Variants in C8orf33 observed in about 807,000 individuals in gnomAD.
C8orf33 encodes the protein UPF0488 protein C8orf33.
A neutral mutation model predicts 25.7 loss-of-function variants in C8orf33; 28 were observed. That is an observed-to-expected ratio of 1.09 (90% CI 0.81 to 1.49). C8orf33 has a LOEUF of 1.49. C8orf33 is among the 40% of genes most tolerant of loss of function. C8orf33 has a pLI of 0.00. For missense variants in C8orf33, 369 were observed against 294.4 expected (o/e 1.25, Z -1.85); for synonymous variants, 153 against 115.9 (o/e 1.32, Z -2.06).
In C8orf33 at chr8:145,052,792, A is replaced by G. The variant is rs1179492732; in HGVS notation, c.213A>G (p.Gln71=). The G allele has an allele frequency of 5.6e-6, 9 of 1,614,004 alleles. No individual in the cohort carries two copies. Among genetic ancestry groups the G allele is most frequent in the Non-Finnish European group, 7.6e-6 (9 of 1,180,020 alleles). Residue 71 remains glutamine (Q), a synonymous_variant, in exon 2 of 5, where the codon CAA becomes CAG. Coordinates refer to ENST00000331434, the MANE Select transcript of C8orf33 (RefSeq NM_023080.3). ...AAGGCGGCACAGCGTCGAAAAAACA[A>G]AAGAATAAGAAGAAAACGCGGAACA... ...GDEGGTASKK[Q]KNKKKTRNRA... is the part of the protein sequence containing the mutation.
rs1254921750 is a variant in C8orf33 at position 145,052,772 on chromosome 8, G to C, written c.193G>C (p.Gly65Arg). ...AGCGCACCCGTTGGGCGATGAAGGC[G>C]GCACAGCGTCGAAAAAACAAAAGAA... ...SRAHPLGDEG[G>R]TASKKQKNKK... is the part of the protein sequence containing the mutation. The change falls in exon 2 of 5, where the codon GGC becomes CGC. Residue 65 changes from glycine (G) to arginine (R), a missense_variant. Physicochemically the swap from Gly to Arg is moderately radical, Grantham distance 125. Transcript: ENST00000331434. 7 of 1,614,168 alleles carry C rather than the reference G, an allele frequency of 4.3e-6. No homozygotes were observed. The South Asian group carries it at 7.7e-5, about 18-fold the overall frequency.
Position 145,053,070 on chromosome 8 carries a change from G to A in C8orf33, c.327G>A (p.Gln109=), listed in dbSNP as rs770525068. 5.0e-6 allele frequency: 8 copies of A among 1,614,070 alleles called. No individual in the cohort carries two copies. Among genetic ancestry groups the A allele is most frequent in the South Asian group, 2.2e-5 (2 of 91,090 alleles). The part of the protein sequence containing the change: ...VPLSAEAQAQ[Q]LAQELAWCVE... ...CCCCAAATCCATCACAGGCACAACA[G>A]TTGGCCCAGGAATTGGCTTGGTGTG... Residue 109 remains glutamine, a synonymous_variant, in exon 3 of 5, where the codon CAG becomes CAA. Coordinates refer to ENST00000331434, the MANE Select transcript of C8orf33 (RefSeq NM_023080.3).
intron 1 of C8orf33, 30 bp from the exon 2 acceptor site, chr8:145,052,556 G>A (rs1159623101): frequency 1.2e-6 from 2 of 1,601,158 alleles, no homozygotes; most frequent in South Asian, 2.2e-5. Flanking sequence ...GCGGCTCTCG[G>A]TGACCCTCGT....
At position 145,053,431 on chromosome 8, in the gene C8orf33, G is replaced by A. The variant is rs769741857; in HGVS notation, c.538G>A (p.Ala180Thr). 5 of 1,614,034 alleles carry A rather than the reference G, an allele frequency of 3.1e-6. No homozygotes were observed. In the Admixed American group the frequency reaches 8.3e-5, roughly 27 times the overall value. Residue 180 changes from alanine to threonine, a missense_variant, in exon 4 of 5, where the codon GCT becomes ACT. Transcript: ENST00000331434. ...AGCCGAATGGCGTGAGGCCCTGCGGGCTCTCAGAGCTGGTGAGGAGCTAGC... is the reference window on the plus strand; with the variant it reads ...AGCCGAATGGCGTGAGGCCCTGCGGACTCTCAGAGCTGGTGAGGAGCTAGC... The part of the protein sequence containing the change: ...MEAEWREALR[A>T]LRAAAYSAQV...
At chr8:145,052,929 A>G (rs1835299597) in intron 2 of C8orf33, 32 bp downstream of exon 2, 1 of 1,529,500 alleles carries the variant, frequency 6.5e-7, no homozygotes. Flanking sequence ...GAAGGGTGGA[A>G]TCCACGGGTG....
Position 145,054,781 on chromosome 8 carries a change from C to T in C8orf33, c.*624C>T, listed in dbSNP as rs953671831. 6.6e-6 allele frequency: 1 copy of T among 152,336 alleles called. No individual in the cohort carries two copies. Among genetic ancestry groups the T allele is most frequent in the African/African-American group, 2.4e-5 (1 of 41,422 alleles). 9.4% of individuals were successfully genotyped at this position (152,336 alleles called of 1,614,324 possible). A position where few individuals can be genotyped will look rare whatever the true frequency, so the allele number is the denominator to read the frequency against. ...CCAGCATGGCACCTACCAGGCCAGG[C>T]TCTGTTCTTAGGAGCAAGGAGCTTC... On this transcript the variant is annotated 3_prime_UTR_variant, in exon 5 of 5. Coordinates refer to ENST00000331434, the MANE Select transcript of C8orf33 (RefSeq NM_023080.3).
At chr8:145,053,968 G>C in intron 4 of C8orf33, 50 bp from the exon 5 acceptor site, 2 of 1,595,504 alleles carry the variant, frequency 1.3e-6, no homozygotes, top group Non-Finnish European at 1.7e-6. Context: ...TACAGGTAAT[G>C]TTAATTGTTA....
chr8:145,052,916 C>A lies in C8orf33; in HGVS notation c.318+19C>A. On this transcript the variant is annotated intron_variant, in intron 2 of 4. Transcript: ENST00000331434. ...GGCCCAGGCAAGGGCGGGCTTCGGT[C>A]GGGAAGGGTGGAATCCACGGGTGCG... 3.1e-6 allele frequency: 5 copies of A among 1,605,992 alleles called. No homozygotes were observed. In the South Asian group the frequency reaches 4.4e-5, roughly 14 times the overall value.
rs781657841 is a variant in C8orf33, at chr8:145,052,695, C to CCACT, written c.117_120dup (p.Val41HisfsTer13). The CCACT allele has an allele frequency of 1.9e-6, 3 of 1,614,102 alleles. No individual in the cohort carries two copies. In the South Asian group the frequency reaches 3.3e-5, roughly 18 times the overall value. ...CCAGTTTCCAGCGCCCGGAATCCTT[C>CCACT]CACTGTCTGTCTCTGCCCAGAGCAA... On this transcript the variant is annotated frameshift_variant, in exon 2 of 5. Transcript: ENST00000331434. LOFTEE classifies it high-confidence loss of function.
chr8:145,052,945 C>T lies in C8orf33; in HGVS notation c.318+48C>T, dbSNP rs1428091618. Reference sequence around the variant, plus strand: ...AAGGGTGGAATCCACGGGTGCGAATCCACGGGCACGTGTGATCTGGGGTCC... The same window carrying T: ...AAGGGTGGAATCCACGGGTGCGAATTCACGGGCACGTGTGATCTGGGGTCC... On this transcript the variant is annotated intron_variant, in intron 2 of 4. Coordinates refer to ENST00000331434, the MANE Select transcript of C8orf33 (RefSeq NM_023080.3). The T allele has an allele frequency of 3.8e-6, 6 of 1,577,476 alleles. No homozygotes were observed. In the East Asian group the frequency reaches 1.4e-4, roughly 36 times the overall value.
At position 145,054,224 on chromosome 8, in the gene C8orf33, G is replaced by A. The variant is rs776386116; in HGVS notation, c.*67G>A. 9.0e-6 allele frequency: 14 copies of A among 1,550,612 alleles called. No homozygotes were observed. The highest frequency in any genetic ancestry group is 1.2e-5 in the Non-Finnish European group (14 of 1,141,950). On this transcript the variant is annotated 3_prime_UTR_variant, in exon 5 of 5. Coordinates refer to ENST00000331434, the MANE Select transcript of C8orf33 (RefSeq NM_023080.3). Reference sequence around the variant, plus strand: ...TGTAGGGGTTTGTTTTGAGTGCAGAGCCTTTCCAGGACTTCTGTTGTCAGA... The same window carrying A: ...TGTAGGGGTTTGTTTTGAGTGCAGAACCTTTCCAGGACTTCTGTTGTCAGA...
chr8:145,053,548 G>A (rs1251851096), intron 4 of C8orf33, 105 bp downstream of exon 4: 1 of 1,203,216 alleles, frequency 8.3e-7, no homozygotes, highest in African/African-American at 1.5e-5. Flanking sequence ...GTGGGGGAAG[G>A]AGATGGGCTC....
chr8:145,053,153 G>T lies in C8orf33; in HGVS notation c.403+7G>T. The T allele has an allele frequency of 1.9e-6, 3 of 1,614,094 alleles. No homozygotes were observed. The highest frequency in any genetic ancestry group is 2.5e-6 in the Non-Finnish European group (3 of 1,179,936). On this transcript the variant is annotated splice_region_variant and intron_variant, in intron 3 of 4. Coordinates refer to ENST00000331434, the MANE Select transcript of C8orf33 (RefSeq NM_023080.3). ...AAACCCACCCCGAAACAGAGTAAGG[G>T]ACCCTTCTGTAGAGCTGGGGGATGT...
rs199714906 is a variant in C8orf33, at chr8:145,052,574, C to T, written c.7-12C>T. On this transcript the variant is annotated splice_polypyrimidine_tract_variant and intron_variant, in intron 1 of 4. Transcript: ENST00000331434. ...GCTCTCGGTGACCCTCGTGCTACCC[C>T]CCTTTCTCCAGGCCCTGGGACATCT... 3.0e-5 allele frequency: 48 copies of T among 1,602,914 alleles called. No homozygotes were observed. The highest frequency in any genetic ancestry group is 3.8e-5 in the Non-Finnish European group (45 of 1,179,468).
In C8orf33 at chr8:145,054,904, T is replaced by C. The variant is rs554580324; in HGVS notation, c.*747T>C. The C allele has an allele frequency of 1.3e-5, 2 of 152,284 alleles. No homozygotes were observed. Among genetic ancestry groups the C allele is most frequent in the African/African-American group, 4.8e-5 (2 of 41,534 alleles). The allele number at this position is 152,284 out of a possible 1,614,324, so 9.4% of individuals were successfully genotyped here. A position where few individuals can be genotyped will look rare whatever the true frequency, so the allele number is the denominator to read the frequency against. On this transcript the variant is annotated 3_prime_UTR_variant, in exon 5 of 5. Coordinates refer to ENST00000331434, the MANE Select transcript of C8orf33 (RefSeq NM_023080.3). ...GTCTCAGGCCCTCTGTTCCATGGAA[T>C]TGGGAATCTCCAGGTGACCTAATCC...
rs763550886 is a variant in C8orf33 at position 145,052,782 on chromosome 8, C to T, written c.203C>T (p.Ser68Leu). The change falls in exon 2 of 5, where the codon TCG becomes TTG. Residue 68 changes from serine (S) to leucine (L), a missense_variant. Coordinates refer to ENST00000331434, the MANE Select transcript of C8orf33 (RefSeq NM_023080.3). The part of the protein sequence containing the change: ...HPLGDEGGTA[S>L]KKQKNKKKTR... Reference sequence around the variant, plus strand: ...TTGGGCGATGAAGGCGGCACAGCGTCGAAAAAACAAAAGAATAAGAAGAAA... The same window carrying T: ...TTGGGCGATGAAGGCGGCACAGCGTTGAAAAAACAAAAGAATAAGAAGAAA... 4 of 1,614,008 alleles carry T rather than the reference C, an allele frequency of 2.5e-6. No individual in the cohort carries two copies. Among genetic ancestry groups the T allele is most frequent in the Non-Finnish European group, 2.5e-6 (3 of 1,180,002 alleles).
chr8:145,053,837 C>T (rs1835316411), intron 4 of C8orf33, 181 bp from the exon 5 acceptor site: 2 of 775,556 alleles, frequency 2.6e-6, no homozygotes, highest in Admixed American at 2.6e-5. Context: ...GTACTAACAC[C>T]TTTTGCAAAC....
chr8:145,052,774 C>T lies in C8orf33; in HGVS notation c.195C>T (p.Gly65=). The T allele has an allele frequency of 1.2e-6, 2 of 1,614,160 alleles. No homozygotes were observed. Among genetic ancestry groups the T allele is most frequent in the African/African-American group, 1.3e-5 (1 of 75,032 alleles). Residue 65 remains glycine, a synonymous_variant, in exon 2 of 5, where the codon GGC becomes GGT. Coordinates refer to ENST00000331434, the MANE Select transcript of C8orf33 (RefSeq NM_023080.3). ...CGCACCCGTTGGGCGATGAAGGCGG[C>T]ACAGCGTCGAAAAAACAAAAGAATA... ...SRAHPLGDEG[G]TASKKQKNKK...
rs187048970 is a variant in C8orf33, at chr8:145,055,490, A to G, written c.*1333A>G. On this transcript the variant is annotated 3_prime_UTR_variant, in exon 5 of 5. Coordinates refer to ENST00000331434, the MANE Select transcript of C8orf33 (RefSeq NM_023080.3). ...GAAGATGCCTGTTGCAAAGTGGACC[A>G]TGGTCTAGCAGTAGCATCAGTGTCA... 147 of 164,202 alleles carry G rather than the reference A, an allele frequency of 9.0e-4. 2 individuals carry two copies. Among genetic ancestry groups the G allele is most frequent in the South Asian group, 2.1e-3 (13 of 6,108 alleles). The allele number at this position is 164,202 out of a possible 1,614,324, so 10.2% of individuals were successfully genotyped here.
Sources: allele counts gnomAD v4.1 joint callset, GRCh38; gene constraint gnomAD v4.1.1; transcripts MANE v1.5; gene names NCBI Gene and HGNC (gene_info 2026-07-23, HGNC 2026-07-21).